The following NAPEPLD variants were observed in gnomAD, a reference collection of about 807,000 sequenced individuals.
The protein encoded by NAPEPLD is N-acyl-phosphatidylethanolamine-hydrolyzing phospholipase D.
NAPEPLD carries 23 observed loss-of-function variants against 38.1 expected under a neutral mutation model. That is an observed-to-expected ratio of 0.60 (90% CI 0.43 to 0.86). The LOEUF (loss-of-function observed/expected upper bound fraction) is 0.86, where lower values mean the gene tolerates loss of function less well. Among genes scored for constraint, NAPEPLD ranks in the 40% least tolerant of loss-of-function variants. The pLI, the probability that NAPEPLD is intolerant of heterozygous loss-of-function variation, is 0.00. For synonymous variants in NAPEPLD, 147 were observed against 162.0 expected (o/e 0.91, Z 0.71); for missense variants, 411 against 476.8 (o/e 0.86, Z 1.28).
rs538468937 is a variant in NAPEPLD at position 103,103,907 on chromosome 7, T to C, written c.1057-353A>G. On this transcript the variant is annotated intron_variant, in intron 4 of 4. Coordinates refer to ENST00000465647, the MANE Select transcript of NAPEPLD (RefSeq NM_001122838.3). Reference sequence around the variant, plus strand: ...AAGATGATGTTATTAGAGAATTACATGTTACTAACATTTTTGAAAAATATA... The same window carrying C: ...AAGATGATGTTATTAGAGAATTACACGTTACTAACATTTTTGAAAAATATA... Among the ~76,000 whole-genome samples the C allele has an allele frequency of 2.3e-4, 35 of 152,346 alleles. No individual in the cohort carries two copies. The South Asian group carries it at 6.6e-3, about 29-fold the overall frequency.
chr7:103,136,277 T>A (rs7796971), intron 1 of NAPEPLD, among the ~76,000 whole-genome samples: 20,331 of 144,192 alleles, frequency 0.14, 1,450 homozygotes, highest in Middle Eastern at 0.25. Context: ...AAAAAAAAAA[T>A]GCAAATTGTT....
chr7:103,126,526 A>G (rs1459099209), intron 2 of NAPEPLD, among the ~76,000 whole-genome samples: 1 of 152,136 alleles, frequency 6.6e-6, no homozygotes, highest in Non-Finnish European at 1.5e-5. Context: ...AACTGTTCAT[A>G]AGGCACCATC....
intron 3 of NAPEPLD, among the ~76,000 whole-genome samples, chr7:103,116,282 T>C (rs1457798117): frequency 6.6e-6 from 1 of 152,122 alleles, no homozygotes. Flanking sequence ...AGGATGGTAC[T>C]GATCTCCTGA....
chr7:103,106,929 G>T (rs533403449), intron 4 of NAPEPLD, among the ~76,000 whole-genome samples: 1 of 152,274 alleles, frequency 6.6e-6, no homozygotes, highest in Admixed American at 6.5e-5. Context: ...CCTCAAGTGG[G>T]TCCCTGACCC....
At chr7:103,114,587 G>A (rs1157996774) in intron 4 of NAPEPLD, among the ~76,000 whole-genome samples, 2 of 152,080 alleles carry the variant, frequency 1.3e-5, no homozygotes, top group Admixed American at 1.3e-4. Context: ...AAGTTCAAAT[G>A]TCACTTATTC....
At position 103,134,941 on chromosome 7, in the gene NAPEPLD, T is replaced by A. The variant is rs144827255; in HGVS notation, c.-16-6149A>T. On this transcript the variant is annotated intron_variant, in intron 1 of 4. Coordinates refer to ENST00000465647, the MANE Select transcript of NAPEPLD (RefSeq NM_001122838.3). ...GAATTCTCTATTTCAAAAGCAAATGTTTCATGCTTTCTTTTTTCAACATTT... is the reference window on the plus strand; with the variant it reads ...GAATTCTCTATTTCAAAAGCAAATGATTCATGCTTTCTTTTTTCAACATTT... 1.1e-4 allele frequency among the ~76,000 whole-genome samples: 16 copies of A among 152,340 alleles called. 1 individual carries two copies. The East Asian group carries it at 3.1e-3, about 29-fold the overall frequency.
intron 1 of NAPEPLD, among the ~76,000 whole-genome samples, chr7:103,145,580 C>T (rs1812366675): frequency 6.6e-6 from 1 of 152,214 alleles, no homozygotes; most frequent in African/African-American, 2.4e-5. Context: ...TAAAAATATG[C>T]ACATTAAAGA....
intron 4 of NAPEPLD, among the ~76,000 whole-genome samples, chr7:103,103,838 C>T (rs541628195): frequency 4.7e-4 from 71 of 152,312 alleles, no homozygotes; most frequent in African/African-American, 1.5e-3. Context: ...GAAATCATCA[C>T]GGTTTCACCA....
At chr7:103,133,297 G>A (rs1224083039) in intron 1 of NAPEPLD, among the ~76,000 whole-genome samples, 2 of 152,162 alleles carry the variant, frequency 1.3e-5, no homozygotes, top group African/African-American at 4.8e-5. Flanking sequence ...ATTATGGACT[G>A]CCATCCATGA....
chr7:103,145,941 T>G (rs1438906627), intron 1 of NAPEPLD, among the ~76,000 whole-genome samples: 1 of 151,710 alleles, frequency 6.6e-6, no homozygotes, highest in Admixed American at 6.6e-5. Context: ...CATTGGCTAC[T>G]TTTACCATAA....
At position 103,120,045 on chromosome 7, in the gene NAPEPLD, T is replaced by C; in HGVS notation, c.473A>G (p.Gln158Arg). 1 of 1,614,202 alleles carries C rather than the reference T, an allele frequency of 6.2e-7. No individual in the cohort carries two copies. The highest frequency in any genetic ancestry group is 8.5e-7 in the Non-Finnish European group (1 of 1,180,034). Residue 158 changes from glutamine (Q) to arginine (R), a missense_variant, in exon 3 of 5, where the codon CAG (glutamine) becomes CGG (arginine). Coordinates refer to ENST00000465647, the MANE Select transcript of NAPEPLD (RefSeq NM_001122838.3). Reference sequence around the variant, plus strand: ...ACGAAATCGCTTTGGACCCATGTACTGCGATGGTGAAGCACGAGAGCTAAA... The same window carrying C: ...ACGAAATCGCTTTGGACCCATGTACCGCGATGGTGAAGCACGAGAGCTAAA... ...PIFSSRASPS[Q>R]YMGPKRFRRS...
At chr7:103,149,231 GGCGCGC>G, upstream of NAPEPLD, 1 of 995,944 alleles carries the variant, frequency 1.0e-6, no homozygotes, top group Non-Finnish European at 1.2e-6. Flanking sequence ...CCGGGCCGCG[GGCGCGC>G]GGCCAGAGCG....
At chr7:103,137,741 A>C (rs2129534324) in intron 1 of NAPEPLD, among the ~76,000 whole-genome samples, 1 of 150,740 alleles carries the variant, frequency 6.6e-6, no homozygotes, top group South Asian at 2.1e-4. Context: ...GCTTGAACCC[A>C]GGAGGTAAAG....
At chr7:103,143,640 G>A (rs1811944345) in intron 1 of NAPEPLD, among the ~76,000 whole-genome samples, 1 of 152,190 alleles carries the variant, frequency 6.6e-6, no homozygotes, top group South Asian at 2.1e-4. Context: ...CCACATCCAA[G>A]GAATGGCATC....
At chr7:103,137,809 C>A in intron 1 of NAPEPLD, among the ~76,000 whole-genome samples, 1 of 63,304 alleles carries the variant, frequency 1.6e-5, no homozygotes, top group Admixed American at 2.4e-4. Flanking sequence ...GAGCAAGATG[C>A]TGTCTCAAAA....
chr7:103,121,343 G>A (rs1455067701), intron 2 of NAPEPLD, among the ~76,000 whole-genome samples: 1 of 152,146 alleles, frequency 6.6e-6, no homozygotes, highest in Non-Finnish European at 1.5e-5. Flanking sequence ...TTACTGAATT[G>A]TGCTCTGGTA....
intron 4 of NAPEPLD, 47 bp downstream of exon 4, chr7:103,115,013 A>C (rs372808691): frequency 9.1e-6 from 13 of 1,423,798 alleles, no homozygotes; most frequent in South Asian, 1.2e-5. Context: ...CCTGAATCCT[A>C]TCATTGGTCA....
intron 1 of NAPEPLD, among the ~76,000 whole-genome samples, chr7:103,144,713 G>A (rs1812186462): frequency 6.6e-6 from 1 of 151,492 alleles, no homozygotes; most frequent in East Asian, 1.9e-4. Context: ...AACATTTAAA[G>A]TCCTGCATCT....
At chr7:103,128,893 TAA>T in intron 1 of NAPEPLD, 101 bp from the exon 2 acceptor site, 1 of 1,218,442 alleles carries the variant, frequency 8.2e-7, no homozygotes, top group Non-Finnish European at 1.1e-6. Context: ...TCTAAACTTA[TAA>T]AAATATTATG....
Sources: allele counts gnomAD v4.1 joint callset (sites outside exome capture counted in the v4.1 genomes callset), GRCh38; gene constraint gnomAD v4.1.1; transcripts MANE v1.5; gene names NCBI Gene and HGNC (gene_info 2026-07-23, HGNC 2026-07-21).